EIPR1: variants seen among roughly 807,000 people sequenced by gnomAD.
EIPR1 encodes the protein EARP complex and GARP complex interacting protein 1, also known as EARP and GARP complex-interacting protein 1.
In EIPR1, 25 loss-of-function variants were observed where a neutral mutation model predicts 48.1. That is an observed-to-expected ratio of 0.52 (90% CI 0.38 to 0.73). The LOEUF (loss-of-function observed/expected upper bound fraction) is 0.73, where lower values mean the gene tolerates loss of function less well. EIPR1 is among the 30% of genes least tolerant of loss of function. The pLI is 0.00. For synonymous variants in EIPR1, 204 were observed against 201.9 expected (o/e 1.01, Z -0.09); for missense variants, 415 against 506.2 (o/e 0.82, Z 1.73).
At chr2:3,283,958 AAAAAAAAGAAAGAAAG>A (rs1320114506) in intron 3 of EIPR1, among the ~76,000 whole-genome samples, 11 of 149,870 alleles carry the variant, frequency 7.3e-5, no homozygotes, top group Admixed American at 3.3e-4. Context: ...AAAAAAAAAA[AAAAAAAAGAAAGAAAG>A]AAAAAAAGAA....
At chr2:3,275,818 T>G (rs1161886659) in intron 3 of EIPR1, among the ~76,000 whole-genome samples, 5 of 152,186 alleles carry the variant, frequency 3.3e-5, no homozygotes, top group Non-Finnish European at 7.3e-5. Context: ...CAAACACTAC[T>G]AAGTTAAATT....
chr2:3,241,033 A>G (rs77997356), intron 4 of EIPR1, among the ~76,000 whole-genome samples: 4 of 149,892 alleles, frequency 2.7e-5, no homozygotes, highest in Admixed American at 6.6e-5. Flanking sequence ...AAGCCAGCAG[A>G]TCCTTCCTAA....
chr2:3,353,182 A>T (rs2875394), intron 2 of EIPR1: 459,063 of 462,244 alleles, frequency 0.99, 227,967 homozygotes, highest in East Asian at 1. Context: ...AAAAAGCATG[A>T]TATGTTTAGG....
At chr2:3,192,179 A>G (rs1045199298) in intron 8 of EIPR1, among the ~76,000 whole-genome samples, 9 of 152,218 alleles carry the variant, frequency 5.9e-5, no homozygotes, top group Admixed American at 1.3e-4. Context: ...ATACAAACAC[A>G]AATAGATCTA....
intron 5 of EIPR1, among the ~76,000 whole-genome samples, chr2:3,201,396 C>T (rs1665030420): frequency 1.3e-5 from 2 of 152,240 alleles, no homozygotes; most frequent in Non-Finnish European, 2.9e-5. Context: ...TCAGAGGCGC[C>T]TCCCACCTTC....
chr2:3,361,052 C>T (rs946446976), intron 1 of EIPR1, among the ~76,000 whole-genome samples: 1 of 152,146 alleles, frequency 6.6e-6, no homozygotes, highest in Non-Finnish European at 1.5e-5. Flanking sequence ...TCATCTCCTA[C>T]ACCCAAAAGA....
intron 4 of EIPR1, among the ~76,000 whole-genome samples, chr2:3,241,671 A>G (rs1666632754): frequency 6.6e-6 from 1 of 152,154 alleles, no homozygotes; most frequent in Non-Finnish European, 1.5e-5. Flanking sequence ...TAGGTGGCGC[A>G]CACCTGATGT....
At chr2:3,246,788 G>A (rs1163251136) in intron 4 of EIPR1, among the ~76,000 whole-genome samples, 1 of 103,964 alleles carries the variant, frequency 9.6e-6, no homozygotes, top group Non-Finnish European at 1.9e-5. Context: ...AGGGAGAAAC[G>A]GAGGGAGGGA....
intron 3 of EIPR1, among the ~76,000 whole-genome samples, chr2:3,305,203 CTCCCGTCCTGTTCAGCCCTCCAA>C (rs1214712883): frequency 1.4e-5 from 2 of 140,764 alleles, no homozygotes; most frequent in African/African-American, 5.4e-5. Context: ...CAACCTTCCA[CTCCCGTCCTGTTCAGCCCTCCAA>C]TCCCGTCCAG....
At chr2:3,240,651 C>A (rs1316022242) in intron 4 of EIPR1, among the ~76,000 whole-genome samples, 1 of 145,520 alleles carries the variant, frequency 6.9e-6, no homozygotes, top group African/African-American at 2.6e-5. Flanking sequence ...TAAAGAAAAG[C>A]CAGCAGATCC....
intron 3 of EIPR1, among the ~76,000 whole-genome samples, chr2:3,307,358 T>C (rs1668978794): frequency 6.6e-6 from 1 of 152,172 alleles, no homozygotes; most frequent in Non-Finnish European, 1.5e-5. Context: ...GCTCCTGCCC[T>C]AATGTCTCCC....
At chr2:3,327,260 T>C (rs553237728) in intron 3 of EIPR1, among the ~76,000 whole-genome samples, 9 of 152,342 alleles carry the variant, frequency 5.9e-5, no homozygotes, top group African/African-American at 1.9e-4. Context: ...CTCAGCCTAC[T>C]GCAACCGCCA....
intron 4 of EIPR1, among the ~76,000 whole-genome samples, chr2:3,216,609 T>C (rs772485128): frequency 2.0e-5 from 3 of 152,238 alleles, no homozygotes; most frequent in African/African-American, 4.8e-5. Flanking sequence ...AGACCAATTT[T>C]AATAATGCAC....
chr2:3,335,846 C>A (rs978267329), intron 3 of EIPR1, among the ~76,000 whole-genome samples: 9 of 152,154 alleles, frequency 5.9e-5, no homozygotes, highest in African/African-American at 2.2e-4. Context: ...CTGAGGCCGC[C>A]CAGTCATGCT....
intron 3 of EIPR1, among the ~76,000 whole-genome samples, chr2:3,296,762 ACACACACAGATTGTTCCCTCTCTG>A (rs1352365343): frequency 6.6e-6 from 1 of 151,158 alleles, no homozygotes; most frequent in Non-Finnish European, 1.5e-5. Flanking sequence ...TATCCTCTCT[ACACACACAGATTGTTCCCTCTCTG>A]CACACACACT....
chr2:3,278,149 C>T (rs908059395), intron 3 of EIPR1, among the ~76,000 whole-genome samples: 1 of 152,194 alleles, frequency 6.6e-6, no homozygotes, highest in African/African-American at 2.4e-5. Context: ...GTGGGGACTC[C>T]AGGTACGAGG....
At chr2:3,316,389 C>G (rs1669302731) in intron 3 of EIPR1, among the ~76,000 whole-genome samples, 1 of 152,158 alleles carries the variant, frequency 6.6e-6, no homozygotes, top group Non-Finnish European at 1.5e-5. Flanking sequence ...CTGTGGCACA[C>G]CAGCTTGGCT....
chr2:3,348,352 T>C (rs1006908850), intron 2 of EIPR1, among the ~76,000 whole-genome samples: 35 of 152,112 alleles, frequency 2.3e-4, no homozygotes, highest in African/African-American at 8.0e-4. Flanking sequence ...CAGAGGAAGA[T>C]TAAGACTCAT....
At chr2:3,373,724 G>A (rs12478805) in intron 1 of EIPR1, among the ~76,000 whole-genome samples, 24,431 of 151,552 alleles carry the variant, frequency 0.16, 2,195 homozygotes, top group Non-Finnish European at 0.2. Flanking sequence ...CAATGAAATA[G>A]AAGAGAATAC....
Sources: gnomAD v4.1 joint callset for allele counts (sites outside exome capture counted in the v4.1 genomes callset) on GRCh38, gnomAD v4.1.1 for gene constraint, MANE v1.5 for transcripts, NCBI Gene and HGNC (gene_info 2026-07-23, HGNC 2026-07-21) for gene names.